SLCO2A1: variants seen among roughly 807,000 people sequenced by gnomAD.
SLCO2A1 encodes solute carrier organic anion transporter family member 2A1.
Under a neutral mutation model 71.7 loss-of-function variants are expected in SLCO2A1, and 60 were observed. That is an observed-to-expected ratio of 0.84 (90% CI 0.68 to 1.04). The LOEUF (loss-of-function observed/expected upper bound fraction) is 1.04, where lower values mean the gene tolerates loss of function less well. Among genes scored for constraint, SLCO2A1 ranks in the 50% least tolerant of loss-of-function variants. The pLI, the probability that SLCO2A1 is intolerant of heterozygous loss-of-function variation, is 0.00. For missense variants in SLCO2A1, 745 were observed against 813.4 expected, an observed-to-expected ratio of 0.92 and a Z score of 1.02; for synonymous variants, 308 against 326.7, an observed-to-expected ratio of 0.94 and a Z score of 0.62.
chr3:134,003,182 T>A (rs149391051), intron 1 of SLCO2A1, among the ~76,000 whole-genome samples: 18 of 152,358 alleles, frequency 1.2e-4, no homozygotes, highest in Admixed American at 1.1e-3. Context: ...GACTCCTGAA[T>A]GAAATCATCA....
intron 1 of SLCO2A1, among the ~76,000 whole-genome samples, chr3:134,008,620 C>G (rs1188126637): frequency 6.6e-6 from 1 of 152,170 alleles, no homozygotes; most frequent in Non-Finnish European, 1.5e-5. Flanking sequence ...GGCTTCTGTC[C>G]TCACCACCTC....
chr3:133,981,835 C>G (rs1934599719), intron 1 of SLCO2A1, among the ~76,000 whole-genome samples: 1 of 152,046 alleles, frequency 6.6e-6, no homozygotes, highest in African/African-American at 2.4e-5. Flanking sequence ...ATTAACCAGG[C>G]GTGGTGGCAC....
chr3:133,973,756 C>T lies in SLCO2A1; in HGVS notation c.304G>A (p.Gly102Ser), dbSNP rs1934386168. The change falls in exon 3 of 14, where the codon GGC becomes AGC. Residue 102 changes from glycine to serine, a missense_variant. Coordinates refer to ENST00000310926, the MANE Select transcript of SLCO2A1 (RefSeq NM_005630.3). ...GSRVHRPRLI[G>S]IGGLFLAAGA... Reference sequence around the variant, plus strand: ...GCAGCCAGGAAGAGACCTCCGATGCCAATCAGACGTGGACGGTGCACCCGG... The same window carrying T: ...GCAGCCAGGAAGAGACCTCCGATGCTAATCAGACGTGGACGGTGCACCCGG... 6.2e-7 allele frequency: 1 copy of T among 1,614,080 alleles called. No individual in the cohort carries two copies. Among genetic ancestry groups the T allele is most frequent in the South Asian group, 1.1e-5 (1 of 91,034 alleles).
intron 1 of SLCO2A1, among the ~76,000 whole-genome samples, chr3:133,980,869 C>T (rs1934572487): frequency 6.6e-6 from 1 of 152,196 alleles, no homozygotes; most frequent in Non-Finnish European, 1.5e-5. Flanking sequence ...ACCCACAAAA[C>T]CAGACACCTC....
intron 1 of SLCO2A1, among the ~76,000 whole-genome samples, chr3:133,984,688 A>G (rs1934670432): frequency 6.6e-6 from 1 of 152,240 alleles, no homozygotes; most frequent in Non-Finnish European, 1.5e-5. Flanking sequence ...TCCCTTGAGG[A>G]GGACACAGGT....
rs200982134 is a variant in SLCO2A1 at position 133,934,852 on chromosome 3, A to G, written c.1815-22T>C. The stretch of plus-strand genomic sequence containing the variant: ...GTACCTGTGGGCAGGAGGAGGCAGG[A>G]CTGGTGAGGGAGGGGGCTCTGCAGC... On this transcript the variant is annotated intron_variant, in intron 13 of 13. Transcript: ENST00000310926. The G allele has an allele frequency of 1.5e-4, 242 of 1,585,926 alleles. 1 individual carries two copies. In the African/African-American group the frequency reaches 2.8e-3, roughly 19 times the overall value.
intron 6 of SLCO2A1, among the ~76,000 whole-genome samples, chr3:133,949,694 A>G (rs781679678): frequency 3.3e-5 from 5 of 152,188 alleles, no homozygotes; most frequent in Non-Finnish European, 5.9e-5. Flanking sequence ...CCCAGTATTC[A>G]TATGCTTTGT....
intron 1 of SLCO2A1, among the ~76,000 whole-genome samples, chr3:133,996,379 C>T (rs73219477): frequency 0.027 from 4,141 of 152,294 alleles, 94 homozygotes; most frequent in South Asian, 0.1. Context: ...AGAAGCAGGG[C>T]GGGCAGGCTG....
At chr3:133,978,787 G>A (rs1049110323) in intron 2 of SLCO2A1, among the ~76,000 whole-genome samples, 3 of 152,112 alleles carry the variant, frequency 2.0e-5, no homozygotes, top group Non-Finnish European at 2.9e-5. Context: ...TGCTGCCTCC[G>A]CTCACTCTCT....
At chr3:133,940,381 C>A (rs1276090935) in intron 11 of SLCO2A1, among the ~76,000 whole-genome samples, 1 of 152,186 alleles carries the variant, frequency 6.6e-6, no homozygotes. Flanking sequence ...CTCCTCTCCA[C>A]CCCCTACCCC....
intron 12 of SLCO2A1, among the ~76,000 whole-genome samples, chr3:133,936,159 C>T (rs567094932): frequency 1.3e-5 from 2 of 152,338 alleles, no homozygotes; most frequent in South Asian, 4.1e-4. Context: ...TTGATGCCGG[C>T]TCAGACATCC....
At chr3:133,950,505 A>C (rs1004428899) in intron 6 of SLCO2A1, among the ~76,000 whole-genome samples, 2 of 152,094 alleles carry the variant, frequency 1.3e-5, no homozygotes, top group Non-Finnish European at 2.9e-5. Flanking sequence ...TGGTCTCTGC[A>C]CTGGCCTCTT....
chr3:134,020,373 G>A (rs908451999), intron 1 of SLCO2A1, among the ~76,000 whole-genome samples: 3 of 152,288 alleles, frequency 2.0e-5, no homozygotes, highest in Non-Finnish European at 4.4e-5. Context: ...GGTGATTGGC[G>A]GATGGTCGAG....
At chr3:134,010,486 G>C (rs912958072) in intron 1 of SLCO2A1, among the ~76,000 whole-genome samples, 24 of 152,052 alleles carry the variant, frequency 1.6e-4, no homozygotes, top group African/African-American at 4.8e-4. Flanking sequence ...GGGCGCGGTG[G>C]CTCACGCCTG....
At chr3:134,018,904 TTTAC>T (rs1935514910) in intron 1 of SLCO2A1, among the ~76,000 whole-genome samples, 1 of 152,112 alleles carries the variant, frequency 6.6e-6, no homozygotes, top group Admixed American at 6.5e-5. Context: ...TTAAATCTGG[TTTAC>T]TACTGCAGGA....
intron 2 of SLCO2A1, among the ~76,000 whole-genome samples, chr3:133,976,046 T>C (rs1052795135): frequency 6.6e-6 from 1 of 152,250 alleles, no homozygotes; most frequent in East Asian, 1.9e-4. Flanking sequence ...TGCCTAATAC[T>C]TGGTGCTCGT....
At chr3:133,985,273 AG>A (rs1934687900) in intron 1 of SLCO2A1, among the ~76,000 whole-genome samples, 2 of 152,264 alleles carry the variant, frequency 1.3e-5, no homozygotes, top group South Asian at 4.1e-4. Context: ...TGCATATTAA[AG>A]GTTCTGAGTT....
intron 1 of SLCO2A1, among the ~76,000 whole-genome samples, chr3:134,013,175 C>T (rs1038446249): frequency 2.6e-5 from 4 of 152,196 alleles, no homozygotes; most frequent in South Asian, 2.1e-4. Context: ...TTACAGTAGA[C>T]ACTCAATAAA....
chr3:133,953,307 G>A (rs1319816703), intron 5 of SLCO2A1, among the ~76,000 whole-genome samples: 2 of 152,210 alleles, frequency 1.3e-5, no homozygotes, highest in Admixed American at 6.5e-5. Context: ...AAAGTGCTGG[G>A]ATTACAGGCT....
Sources: allele counts gnomAD v4.1 joint callset (sites outside exome capture counted in the v4.1 genomes callset), GRCh38; gene constraint gnomAD v4.1.1; transcripts MANE v1.5; gene names NCBI Gene and HGNC (gene_info 2026-07-23, HGNC 2026-07-21).